The following ANKS1B variants were observed in gnomAD, a reference collection of about 807,000 sequenced individuals.
ANKS1B encodes the protein ankyrin repeat and sterile alpha motif domain-containing protein 1B.
A neutral mutation model predicts 148.3 loss-of-function variants in ANKS1B; 36 were observed. That is an observed-to-expected ratio of 0.24 (90% CI 0.19 to 0.32). ANKS1B has a LOEUF of 0.32. Among genes scored for constraint, ANKS1B ranks in the 10% least tolerant of loss-of-function variants. The pLI, the probability that ANKS1B is intolerant of heterozygous loss-of-function variation, is 1.00. For missense variants in ANKS1B, 1,157 were observed against 1,542.6 expected (o/e 0.75, Z 4.19); for synonymous variants, 542 against 560.8 (o/e 0.97, Z 0.47).
intron 17 of ANKS1B, among the ~76,000 whole-genome samples, chr12:98,928,892 T>C (rs2099811302): frequency 6.6e-6 from 1 of 151,916 alleles, no homozygotes; most frequent in South Asian, 2.1e-4. Context: ...CAAAGCTAGC[T>C]ACTCTGGTCA....
At chr12:99,679,514 T>G (rs2098601843) in intron 8 of ANKS1B, among the ~76,000 whole-genome samples, 1 of 152,138 alleles carries the variant, frequency 6.6e-6, no homozygotes, top group South Asian at 2.1e-4. Context: ...TTCACTATGT[T>G]GCCCAGGCTG....
chr12:99,109,738 C>T (rs1423703677), intron 15 of ANKS1B, among the ~76,000 whole-genome samples: 2 of 152,032 alleles, frequency 1.3e-5, no homozygotes, highest in African/African-American at 4.8e-5. Context: ...GCATTTAAAT[C>T]TAGCATTTGT....
chr12:99,738,041 A>G (rs1331948755), intron 8 of ANKS1B, among the ~76,000 whole-genome samples: 1 of 152,176 alleles, frequency 6.6e-6, no homozygotes, highest in African/African-American at 2.4e-5. Flanking sequence ...ACACATATCT[A>G]TTAAATAAAC....
At chr12:99,262,034 C>T (rs2075978866) in intron 12 of ANKS1B, among the ~76,000 whole-genome samples, 3 of 152,096 alleles carry the variant, frequency 2.0e-5, no homozygotes, top group Non-Finnish European at 4.4e-5. Context: ...GGGTCATGAC[C>T]TTTGTACTTG....
intron 14 of ANKS1B, among the ~76,000 whole-genome samples, chr12:99,171,615 A>C (rs1484456080): frequency 2.0e-5 from 3 of 152,184 alleles, no homozygotes; most frequent in Admixed American, 2.0e-4. Context: ...GCCTTTACAA[A>C]ACAGATCTGA....
chr12:99,374,073 A>C (rs1429050499), intron 12 of ANKS1B, among the ~76,000 whole-genome samples: 1 of 152,174 alleles, frequency 6.6e-6, no homozygotes, highest in African/African-American at 2.4e-5. Context: ...ACCCTGATCT[A>C]GCTTAGGTTG....
chr12:98,773,872 G>A (rs948715156), intron 24 of ANKS1B, among the ~76,000 whole-genome samples: 6 of 152,128 alleles, frequency 3.9e-5, no homozygotes, highest in African/African-American at 1.2e-4. Flanking sequence ...AGCATCTGTC[G>A]CTTTCTCTGT....
At position 98,773,364 on chromosome 12, in the gene ANKS1B, C is replaced by A. The variant is rs115611432; in HGVS notation, c.3442-185G>T. Among the ~76,000 whole-genome samples, 735 of 152,258 alleles carry A rather than the reference C, an allele frequency of 4.8e-3. 7 individuals are homozygous for A. Among genetic ancestry groups the A allele is most frequent in the African/African-American group, 0.017 (707 of 41,536 alleles). On this transcript the variant is annotated intron_variant, in intron 24 of 26. Coordinates refer to ENST00000683438, the MANE Select transcript of ANKS1B (RefSeq NM_001352186.2). Reference sequence around the variant, plus strand: ...ATACCAGATATGGAAGAAATATTTTCATTTAATTAAAAACAACCTAACACA... The same window carrying A: ...ATACCAGATATGGAAGAAATATTTTAATTTAATTAAAAACAACCTAACACA...
chr12:99,311,365 G>T (rs2154025922), intron 12 of ANKS1B, among the ~76,000 whole-genome samples: 1 of 152,220 alleles, frequency 6.6e-6, no homozygotes, highest in East Asian at 1.9e-4. Flanking sequence ...TAAAGAGAAA[G>T]GGGGACAGTT....
intron 12 of ANKS1B, chr12:99,345,024 A>G (rs1417826679): frequency 6.6e-6 from 1 of 152,116 alleles, no homozygotes; most frequent in Non-Finnish European, 1.5e-5. Flanking sequence ...GCTTTGGACC[A>G]TGTCCTTTCC....
chr12:99,178,392 C>G (rs2078666197), intron 14 of ANKS1B, among the ~76,000 whole-genome samples: 1 of 152,186 alleles, frequency 6.6e-6, no homozygotes, highest in Non-Finnish European at 1.5e-5. Context: ...CATCATGGCA[C>G]CTCATGGGGA....
intron 4 of ANKS1B, among the ~76,000 whole-genome samples, chr12:99,797,050 T>C (rs1432261959): frequency 6.6e-6 from 1 of 151,994 alleles, no homozygotes; most frequent in African/African-American, 2.4e-5. Flanking sequence ...CTCATAATTC[T>C]AAGGTAAACA....
At chr12:99,068,410 C>T (rs1382631309) in intron 16 of ANKS1B, among the ~76,000 whole-genome samples, 2 of 152,164 alleles carry the variant, frequency 1.3e-5, no homozygotes, top group South Asian at 2.1e-4. Flanking sequence ...GGCAACTTAA[C>T]ATAAATTACT....
At chr12:98,837,555 C>T (rs1411932313) in intron 17 of ANKS1B, among the ~76,000 whole-genome samples, 1 of 152,104 alleles carries the variant, frequency 6.6e-6, no homozygotes, top group East Asian at 1.9e-4. Flanking sequence ...CCGGAAACCC[C>T]ACTGTGAATC....
intron 9 of ANKS1B, among the ~76,000 whole-genome samples, chr12:99,551,604 A>G (rs1054805375): frequency 1.3e-5 from 2 of 150,778 alleles, no homozygotes; most frequent in African/African-American, 4.9e-5. Context: ...ACAGGTGGGA[A>G]TATCTGGGAG....
At chr12:99,082,234 A>G (rs1340426743) in intron 16 of ANKS1B, among the ~76,000 whole-genome samples, 5 of 152,190 alleles carry the variant, frequency 3.3e-5, no homozygotes, top group African/African-American at 1.2e-4. Context: ...CAAATAAATA[A>G]TATAACTTCA....
chr12:98,995,966 A>T (rs1199010273), intron 17 of ANKS1B, among the ~76,000 whole-genome samples: 1 of 152,198 alleles, frequency 6.6e-6, no homozygotes, highest in African/African-American at 2.4e-5. Flanking sequence ...AAAACAGATT[A>T]GTATATACAT....
intron 17 of ANKS1B, among the ~76,000 whole-genome samples, chr12:98,986,301 GC>G (rs2153234268): frequency 6.6e-6 from 1 of 151,220 alleles, no homozygotes; most frequent in East Asian, 2.0e-4. Flanking sequence ...TTTCTTCTGT[GC>G]ATTTCTCTCT....
At chr12:98,971,465 T>C (rs1233539431) in intron 17 of ANKS1B, among the ~76,000 whole-genome samples, 1 of 152,258 alleles carries the variant, frequency 6.6e-6, no homozygotes, top group Non-Finnish European at 1.5e-5. Flanking sequence ...AAAATATGTT[T>C]GTCATTATGA....
Sources: gnomAD v4.1 joint callset for allele counts (sites outside exome capture counted in the v4.1 genomes callset) on GRCh38, gnomAD v4.1.1 for gene constraint, MANE v1.5 for transcripts, NCBI Gene and HGNC (gene_info 2026-07-23, HGNC 2026-07-21) for gene names.